SH3GL2: variants seen among roughly 807,000 people sequenced by gnomAD.
SH3GL2 encodes endophilin-A1.
Under a neutral mutation model 46.0 loss-of-function variants are expected in SH3GL2, and 24 were observed. The ratio of observed to expected loss-of-function variants is 0.52; its 90% CI spans 0.38 to 0.73. The LOEUF (loss-of-function observed/expected upper bound fraction) is 0.73. Among genes scored for constraint, SH3GL2 ranks in the 30% least tolerant of loss-of-function variants. The probability of loss-of-function intolerance (pLI) is 0.00; values close to 1 mark genes in which losing one functional copy is unlikely to be tolerated. For synonymous variants in SH3GL2, 196 were observed against 147.1 expected (o/e 1.33, Z -2.40); for missense variants, 413 against 424.2 (o/e 0.97, Z 0.23).
At chr9:17,732,385 CA>C (rs987341769) in intron 1 of SH3GL2, among the ~76,000 whole-genome samples, 2 of 152,004 alleles carry the variant, frequency 1.3e-5, no homozygotes, top group Non-Finnish European at 2.9e-5. Context: ...GAAGGATAAG[CA>C]GATCAAATTA....
chr9:17,580,296 C>T (rs1818253826), intron 1 of SH3GL2, among the ~76,000 whole-genome samples: 1 of 152,144 alleles, frequency 6.6e-6, no homozygotes, highest in Admixed American at 6.5e-5. Context: ...ATAGGTTAGC[C>T]TTAATTAACG....
At position 17,647,982 on chromosome 9, in the gene SH3GL2, A is replaced by G. The variant is rs111560058; in HGVS notation, c.45+68695A>G. Among the ~76,000 whole-genome samples, 999 of 152,288 alleles carry G rather than the reference A, an allele frequency of 6.6e-3. 15 individuals are homozygous for G. Among genetic ancestry groups the G allele is most frequent in the African/African-American group, 0.023 (953 of 41,552 alleles). ...AAGATGAAGACCTTTGTGATGATGCACTTCTATTTAATGGACAGTAAATAT... is the reference window on the plus strand; with the variant it reads ...AAGATGAAGACCTTTGTGATGATGCGCTTCTATTTAATGGACAGTAAATAT... On this transcript the variant is annotated intron_variant, in intron 1 of 8. Transcript: ENST00000380607.
chr9:17,653,873 A>T (rs1820009260), intron 1 of SH3GL2: 1 of 981,284 alleles, frequency 1.0e-6, no homozygotes, highest in South Asian at 4.7e-5. Flanking sequence ...CAAGGGGCTG[A>T]TGCAGAAGGT....
chr9:17,736,953 A>G (rs1210431012), intron 1 of SH3GL2, among the ~76,000 whole-genome samples: 1 of 152,124 alleles, frequency 6.6e-6, no homozygotes, highest in Admixed American at 6.6e-5. Context: ...GAACCAACCC[A>G]AATGCCCATC....
chr9:17,762,060 C>T (rs113830054), intron 3 of SH3GL2, among the ~76,000 whole-genome samples: 17 of 152,030 alleles, frequency 1.1e-4, no homozygotes, highest in African/African-American at 3.1e-4. Context: ...ATAGAGATAA[C>T]GGAGCTATAT....
intron 1 of SH3GL2, among the ~76,000 whole-genome samples, chr9:17,662,943 T>A (rs145758535): frequency 0.018 from 2,730 of 152,258 alleles, 36 homozygotes; most frequent in South Asian, 0.031. Context: ...ACTCCTGACC[T>A]CGTGATCTGC....
intron 1 of SH3GL2, among the ~76,000 whole-genome samples, chr9:17,628,913 G>C (rs1012275484): frequency 2.6e-5 from 4 of 151,978 alleles, no homozygotes; most frequent in African/African-American, 9.7e-5. Context: ...CACAGCATGC[G>C]GTGATACATA....
At chr9:17,687,151 C>T (rs183696628) in intron 1 of SH3GL2, among the ~76,000 whole-genome samples, 166 of 152,204 alleles carry the variant, frequency 1.1e-3, no homozygotes, top group African/African-American at 3.7e-3. Context: ...TATGCTCTCT[C>T]ACATTAAGTG....
chr9:17,718,901 A>AT (rs1821825870), intron 1 of SH3GL2, among the ~76,000 whole-genome samples: 1 of 151,958 alleles, frequency 6.6e-6, no homozygotes, highest in Admixed American at 6.6e-5. Flanking sequence ...AGGAGAATCG[A>AT]TTTTCCTTCT....
At chr9:17,658,366 C>A (rs1011005542) in intron 1 of SH3GL2, among the ~76,000 whole-genome samples, 2 of 152,152 alleles carry the variant, frequency 1.3e-5, no homozygotes, top group African/African-American at 2.4e-5. Context: ...TTGATTTCTT[C>A]CAGGGACATA....
chr9:17,660,332 T>C (rs1298377713), intron 1 of SH3GL2, among the ~76,000 whole-genome samples: 1 of 152,182 alleles, frequency 6.6e-6, no homozygotes, highest in Non-Finnish European at 1.5e-5. Context: ...TGTGTGTCTG[T>C]GGACCTCTTT....
intron 1 of SH3GL2, among the ~76,000 whole-genome samples, chr9:17,663,382 T>C (rs1052088148): frequency 2.0e-5 from 3 of 152,242 alleles, no homozygotes; most frequent in Non-Finnish European, 2.9e-5. Context: ...TTTCCTCCTA[T>C]TAAAATTTTT....
chr9:17,738,641 T>TAGAGAGAGAGAG (rs1554645334), intron 1 of SH3GL2, among the ~76,000 whole-genome samples: 32 of 88,876 alleles, frequency 3.6e-4, no homozygotes, highest in African/African-American at 6.0e-4. Context: ...TATATATATA[T>TAGAGAGAGAGAG]AGAGAGAGAG....
At position 17,696,781 on chromosome 9, in the gene SH3GL2, A is replaced by G. The variant is rs1189596873; in HGVS notation, c.46-50285A>G. 3.3e-5 allele frequency among the ~76,000 whole-genome samples: 5 copies of G among 152,150 alleles called. No individual in the cohort carries two copies. In the East Asian group the frequency reaches 7.7e-4, roughly 23 times the overall value. On this transcript the variant is annotated intron_variant, in intron 1 of 8. Transcript: ENST00000380607. ...ATTTGGGTGGGGACACAGCCAAACC[A>G]TATCACATAGCTTTGGATTATCCCT...
At chr9:17,732,133 T>C (rs1016216242) in intron 1 of SH3GL2, among the ~76,000 whole-genome samples, 1 of 152,130 alleles carries the variant, frequency 6.6e-6, no homozygotes, top group Non-Finnish European at 1.5e-5. Context: ...CTTCATCATA[T>C]TCTCAACAAC....
intron 1 of SH3GL2, among the ~76,000 whole-genome samples, chr9:17,694,897 T>C (rs1821166192): frequency 6.6e-6 from 1 of 152,136 alleles, no homozygotes; most frequent in African/African-American, 2.4e-5. Flanking sequence ...CTGTAGGGAA[T>C]GGAGTAGGGG....
intron 3 of SH3GL2, among the ~76,000 whole-genome samples, chr9:17,784,308 A>G (rs1293485969): frequency 6.6e-6 from 1 of 152,166 alleles, no homozygotes; most frequent in Non-Finnish European, 1.5e-5. Flanking sequence ...AGAATTACTT[A>G]CCTGGAGACA....
At chr9:17,706,830 TC>T (rs1480341409) in intron 1 of SH3GL2, among the ~76,000 whole-genome samples, 1 of 152,006 alleles carries the variant, frequency 6.6e-6, no homozygotes, top group African/African-American at 2.4e-5. Context: ...AAAAATGGAA[TC>T]CTCTTCTCAC....
At chr9:17,677,218 G>T (rs1039519348) in intron 1 of SH3GL2, among the ~76,000 whole-genome samples, 1 of 152,036 alleles carries the variant, frequency 6.6e-6, no homozygotes, top group East Asian at 1.9e-4. Flanking sequence ...TGAAGCAAAC[G>T]TGGAACTCTG....
Sources: gnomAD v4.1 joint callset for allele counts (sites outside exome capture counted in the v4.1 genomes callset) on GRCh38, gnomAD v4.1.1 for gene constraint, MANE v1.5 for transcripts, NCBI Gene and HGNC (gene_info 2026-07-23, HGNC 2026-07-21) for gene names.